Variants in MACROD2 observed in about 807,000 individuals in gnomAD.
MACROD2 encodes mono-ADP ribosylhydrolase 2.
In MACROD2, 36 loss-of-function variants were observed where a neutral mutation model predicts 70.4. The ratio of observed to expected loss-of-function variants is 0.51; its 90% CI spans 0.39 to 0.68. The LOEUF (loss-of-function observed/expected upper bound fraction) is 0.68, where lower values mean the gene tolerates loss of function less well. Among genes scored for constraint, MACROD2 ranks in the 30% least tolerant of loss-of-function variants. The pLI is 0.00. For synonymous variants in MACROD2, 172 were observed against 178.8 expected (o/e 0.96, Z 0.30); for missense variants, 496 against 538.4 (o/e 0.92, Z 0.78).
chr20:14,990,917 A>T (rs569076350), intron 5 of MACROD2, among the ~76,000 whole-genome samples: 53 of 152,336 alleles, frequency 3.5e-4, no homozygotes, highest in African/African-American at 1.2e-3. Flanking sequence ...TATTGATAAG[A>T]AAAGTTATGA....
intron 5 of MACROD2, among the ~76,000 whole-genome samples, chr20:15,053,309 G>T (rs1895754398): frequency 6.6e-6 from 1 of 152,168 alleles, no homozygotes; most frequent in Non-Finnish European, 1.5e-5. Flanking sequence ...TTCATCACTA[G>T]AAAAGAGAAG....
At chr20:14,794,931 T>C (rs1344840501) in intron 5 of MACROD2, among the ~76,000 whole-genome samples, 1 of 152,082 alleles carries the variant, frequency 6.6e-6, no homozygotes, top group African/African-American at 2.4e-5. Context: ...ATGAAAGTCT[T>C]CTTGAACAGA....
intron 6 of MACROD2, among the ~76,000 whole-genome samples, chr20:15,340,126 CTTTCTTTTTTTTTTT>C (rs1277236669): frequency 1.9e-4 from 17 of 91,838 alleles, no homozygotes; most frequent in Admixed American, 2.6e-4. Context: ...TTCTTTCTTT[CTTTCTTTTTTTTTTT>C]TTTTTTTTTT....
intron 2 of MACROD2, among the ~76,000 whole-genome samples, chr20:14,069,912 G>A (rs942930185): frequency 7.2e-5 from 11 of 151,736 alleles, no homozygotes; most frequent in African/African-American, 2.7e-4. Flanking sequence ...GCAAAGCCCT[G>A]GCTAGTATAT....
intron 6 of MACROD2, among the ~76,000 whole-genome samples, chr20:15,351,731 T>C (rs969832305): frequency 6.6e-6 from 1 of 152,228 alleles, no homozygotes; most frequent in Non-Finnish European, 1.5e-5. Flanking sequence ...GAGGACCTTC[T>C]TGGAGAATGT....
intron 8 of MACROD2, among the ~76,000 whole-genome samples, chr20:15,519,940 C>G (rs1401286981): frequency 6.6e-6 from 1 of 152,182 alleles, no homozygotes; most frequent in Non-Finnish European, 1.5e-5. Flanking sequence ...CCTGCAAAGG[C>G]TTTTGTGGCA....
chr20:15,865,094 C>A (rs2064473908), intron 9 of MACROD2, among the ~76,000 whole-genome samples: 1 of 152,050 alleles, frequency 6.6e-6, no homozygotes, highest in Non-Finnish European at 1.5e-5. Context: ...ATATCTCTAA[C>A]TAGTGTTCAT....
intron 5 of MACROD2, among the ~76,000 whole-genome samples, chr20:15,100,397 T>C (rs189687637): frequency 3.9e-5 from 6 of 152,312 alleles, no homozygotes; most frequent in Non-Finnish European, 1.5e-5. Context: ...TCTAATAGTG[T>C]CCCAAGAGTT....
At chr20:14,960,918 C>T (rs1173270510) in intron 5 of MACROD2, among the ~76,000 whole-genome samples, 1 of 152,190 alleles carries the variant, frequency 6.6e-6, no homozygotes, top group Non-Finnish European at 1.5e-5. Context: ...TCTCCGCTCA[C>T]ATTTCTGCCC....
intron 5 of MACROD2, among the ~76,000 whole-genome samples, chr20:14,823,955 A>G (rs948918279): frequency 3.3e-5 from 5 of 152,146 alleles, no homozygotes; most frequent in African/African-American, 7.2e-5. Flanking sequence ...AATAAATTAT[A>G]TAAGTAAAGC....
chr20:14,403,428 AT>A (rs537732267), intron 3 of MACROD2, among the ~76,000 whole-genome samples: 1 of 152,036 alleles, frequency 6.6e-6, no homozygotes. Flanking sequence ...AAGGGATGGT[AT>A]TTTTTTTAAA....
chr20:14,217,629 G>C (rs1451081880), intron 3 of MACROD2, among the ~76,000 whole-genome samples: 2 of 152,020 alleles, frequency 1.3e-5, no homozygotes, highest in African/African-American at 4.8e-5. Flanking sequence ...CTGTGAATCC[G>C]TCTGGTCCTG....
chr20:15,882,713 C>T (rs369070447), intron 9 of MACROD2, among the ~76,000 whole-genome samples: 6 of 152,054 alleles, frequency 3.9e-5, no homozygotes, highest in East Asian at 1.9e-4. Context: ...GGAAGTAAAC[C>T]GAACCAGTCT....
chr20:15,522,834 G>A (rs2047670884), intron 8 of MACROD2, among the ~76,000 whole-genome samples: 3 of 152,264 alleles, frequency 2.0e-5, no homozygotes, highest in South Asian at 4.1e-4. Flanking sequence ...GTAGATATAC[G>A]TAAGCCTGCC....
At chr20:14,547,298 T>G in intron 4 of MACROD2, 1 of 307,440 alleles carries the variant, frequency 3.3e-6, no homozygotes, top group East Asian at 9.6e-5. Flanking sequence ...TAAATGTGCA[T>G]GCATGGCAGA....
intron 5 of MACROD2, among the ~76,000 whole-genome samples, chr20:14,788,763 G>GGTT (rs2072407319): frequency 1.3e-5 from 1 of 79,476 alleles, no homozygotes; most frequent in African/African-American, 5.1e-5. Flanking sequence ...TAGTGGTGGT[G>GGTT]TTTTTTTTTT....
chr20:14,559,940 C>A (rs944983873), intron 4 of MACROD2, among the ~76,000 whole-genome samples: 1 of 151,792 alleles, frequency 6.6e-6, no homozygotes, highest in Admixed American at 6.6e-5. Context: ...CATAAGGCTG[C>A]AATCTGGTCC....
At chr20:15,646,855 C>T (rs774924418) in intron 8 of MACROD2, among the ~76,000 whole-genome samples, 26 of 152,290 alleles carry the variant, frequency 1.7e-4, no homozygotes, top group Non-Finnish European at 3.7e-4. Context: ...GTCAGTTAAA[C>T]CTCTTTCCTT....
At chr20:14,744,230 G>T (rs1226111938) in intron 5 of MACROD2, among the ~76,000 whole-genome samples, 1 of 152,144 alleles carries the variant, frequency 6.6e-6, no homozygotes, top group African/African-American at 2.4e-5. Flanking sequence ...GAGGCTGCAT[G>T]GGCATAGGAT....
Sources: gnomAD v4.1 joint callset for allele counts (sites outside exome capture counted in the v4.1 genomes callset) on GRCh38, gnomAD v4.1.1 for gene constraint, MANE v1.5 for transcripts, NCBI Gene and HGNC (gene_info 2026-07-23, HGNC 2026-07-21) for gene names.